TMEM131: variants seen among roughly 807,000 people sequenced by gnomAD.
The protein encoded by TMEM131 is transmembrane protein 131, also known as 2610524E03Rik.
In TMEM131, 66 loss-of-function variants were observed where a neutral mutation model predicts 211.6. That is an observed-to-expected ratio of 0.31 (90% CI 0.26 to 0.38). TMEM131 has a LOEUF of 0.38. Ranked by LOEUF, TMEM131 falls within the 10% of genes least tolerant of loss-of-function variation. The pLI, the probability that TMEM131 is intolerant of heterozygous loss-of-function variation, is 1.00. For missense variants in TMEM131, 2,036 were observed against 2,299.3 expected (o/e 0.89, Z 2.34); for synonymous variants, 844 against 841.3 (o/e 1.00, Z -0.06).
intron 5 of TMEM131, among the ~76,000 whole-genome samples, chr2:97,855,877 G>A (rs1223761482): frequency 6.6e-6 from 1 of 151,968 alleles, no homozygotes; most frequent in Admixed American, 6.5e-5. Flanking sequence ...AAACATGCAT[G>A]GAATCAATAG....
intron 35 of TMEM131, chr2:97,762,426 T>C (rs753779772): frequency 4.5e-6 from 2 of 442,614 alleles, no homozygotes; most frequent in Non-Finnish European, 4.0e-6. Flanking sequence ...GTCCCTGCTG[T>C]GTTGTGTGGC....
intron 11 of TMEM131, among the ~76,000 whole-genome samples, chr2:97,827,869 A>C (rs1682475230): frequency 6.6e-6 from 1 of 152,180 alleles, no homozygotes; most frequent in Non-Finnish European, 1.5e-5. Flanking sequence ...TATAATACAA[A>C]GCATATTAAA....
chr2:97,812,130 C>T (rs1386011161), intron 17 of TMEM131, among the ~76,000 whole-genome samples: 2 of 152,172 alleles, frequency 1.3e-5, no homozygotes, highest in Non-Finnish European at 2.9e-5. Flanking sequence ...GTTTAGTACC[C>T]ATGGGAATCT....
At chr2:97,931,904 T>G (rs980569979) in intron 1 of TMEM131, among the ~76,000 whole-genome samples, 3 of 152,186 alleles carry the variant, frequency 2.0e-5, no homozygotes, top group Admixed American at 6.5e-5. Context: ...CTCCTTGGCT[T>G]CTCAGAGCAG....
At chr2:97,951,496 C>T (rs1416104695) in intron 1 of TMEM131, among the ~76,000 whole-genome samples, 1 of 152,172 alleles carries the variant, frequency 6.6e-6, no homozygotes, top group African/African-American at 2.4e-5. Flanking sequence ...TCTATCTCTG[C>T]TGGGCCACTG....
chr2:97,912,145 A>G (rs1358330254), intron 2 of TMEM131, among the ~76,000 whole-genome samples: 3 of 152,214 alleles, frequency 2.0e-5, no homozygotes, highest in Non-Finnish European at 2.9e-5. Context: ...AAAAACAGGC[A>G]AATAAGGATT....
At chr2:97,976,074 A>G (rs1253433283) in intron 1 of TMEM131, among the ~76,000 whole-genome samples, 2 of 152,292 alleles carry the variant, frequency 1.3e-5, no homozygotes, top group Admixed American at 6.5e-5. Flanking sequence ...AAGGGCATCT[A>G]TGAAAAACCT....
At chr2:97,776,187 G>A (rs996692341) in intron 31 of TMEM131, among the ~76,000 whole-genome samples, 169 bp from the exon 32 acceptor site, 1 of 152,072 alleles carries the variant, frequency 6.6e-6, no homozygotes, top group South Asian at 2.1e-4. Context: ...CTGAGTAGCT[G>A]GGACTACAGG....
intron 3 of TMEM131, among the ~76,000 whole-genome samples, chr2:97,897,526 G>A (rs1187139658): frequency 2.6e-5 from 4 of 152,002 alleles, no homozygotes; most frequent in Admixed American, 1.3e-4. Flanking sequence ...TTACAAAGGC[G>A]TTTAAAATTT....
intron 7 of TMEM131, among the ~76,000 whole-genome samples, chr2:97,840,364 G>A (rs1264429910): frequency 6.6e-6 from 1 of 152,222 alleles, no homozygotes; most frequent in Non-Finnish European, 1.5e-5. Context: ...CAATGAGGCA[G>A]CACCCTTGGG....
At chr2:97,990,179 C>T (rs1412461119) in intron 1 of TMEM131, among the ~76,000 whole-genome samples, 1 of 152,124 alleles carries the variant, frequency 6.6e-6, no homozygotes, top group Non-Finnish European at 1.5e-5. Context: ...ACAGTAGCTT[C>T]GAATACCAAA....
intron 1 of TMEM131, among the ~76,000 whole-genome samples, chr2:97,993,981 C>G (rs1680373787): frequency 6.6e-6 from 1 of 152,224 alleles, no homozygotes. Flanking sequence ...TGAAGACAGT[C>G]ATTCACTCAA....
intron 11 of TMEM131, among the ~76,000 whole-genome samples, chr2:97,821,071 C>CAT (rs1291762522): frequency 7.2e-5 from 11 of 152,152 alleles, no homozygotes; most frequent in Non-Finnish European, 1.3e-4. Context: ...ATTTGCTCTA[C>CAT]TGAATATGAT....
At chr2:97,970,620 AC>A (rs2104600205) in intron 1 of TMEM131, among the ~76,000 whole-genome samples, 1 of 152,000 alleles carries the variant, frequency 6.6e-6, no homozygotes, top group South Asian at 2.1e-4. Flanking sequence ...TTCACCACTC[AC>A]TCCAGGCACA....
chr2:97,783,590 T>C (rs568044082), intron 31 of TMEM131, among the ~76,000 whole-genome samples: 3 of 152,076 alleles, frequency 2.0e-5, no homozygotes, highest in African/African-American at 7.2e-5. Flanking sequence ...AGAAGTTATG[T>C]ACATATAATG....
chr2:97,811,690 C>T (rs1681554161), intron 17 of TMEM131, among the ~76,000 whole-genome samples: 1 of 152,326 alleles, frequency 6.6e-6, no homozygotes, highest in South Asian at 2.1e-4. Flanking sequence ...AACACCAGAC[C>T]TATGGCATTC....
intron 3 of TMEM131, among the ~76,000 whole-genome samples, chr2:97,896,592 T>C (rs1675621563): frequency 6.6e-6 from 1 of 152,188 alleles, no homozygotes; most frequent in East Asian, 1.9e-4. Context: ...TCTTGTTGCA[T>C]TGATCCCTTT....
intron 6 of TMEM131, among the ~76,000 whole-genome samples, chr2:97,842,662 A>T (rs1044395653): frequency 6.6e-6 from 1 of 152,066 alleles, no homozygotes; most frequent in African/African-American, 2.4e-5. Flanking sequence ...AACAGACTGG[A>T]GATATATTTG....
intron 2 of TMEM131, among the ~76,000 whole-genome samples, chr2:97,921,028 T>C (rs1361038191): frequency 1.3e-5 from 2 of 151,380 alleles, no homozygotes; most frequent in African/African-American, 2.4e-5. Context: ...AAAAGATACA[T>C]ATGGAAGGCA....
Sources: gnomAD v4.1 joint callset for allele counts (sites outside exome capture counted in the v4.1 genomes callset) on GRCh38, gnomAD v4.1.1 for gene constraint, MANE v1.5 for transcripts, NCBI Gene and HGNC (gene_info 2026-07-23, HGNC 2026-07-21) for gene names.